ATP11B: variants seen among roughly 807,000 people sequenced by gnomAD.
ATP11B encodes the protein ATPase phospholipid transporting 11B (putative).
In ATP11B, 81 loss-of-function variants were observed where a neutral mutation model predicts 157.8. The ratio of observed to expected loss-of-function variants is 0.51; its 90% CI spans 0.43 to 0.62. The LOEUF (loss-of-function observed/expected upper bound fraction) is 0.62, where lower values mean the gene tolerates loss of function less well. Among genes scored for constraint, ATP11B ranks in the 20% least tolerant of loss-of-function variants. The pLI is 0.00. For synonymous variants in ATP11B, 451 were observed against 469.4 expected (o/e 0.96, Z 0.51); for missense variants, 1,165 against 1,402.2 (o/e 0.83, Z 2.70).
In ATP11B at chr3:182,918,502, C is replaced by T. The variant is rs1361661740; in HGVS notation, c.*398C>T. 7.6e-6 allele frequency: 3 copies of T among 396,558 alleles called. No homozygotes were observed. Among genetic ancestry groups the T allele is most frequent in the African/African-American group, 4.1e-5 (2 of 48,486 alleles). 24.6% of individuals were successfully genotyped at this position (396,558 alleles called of 1,614,324 possible). The stretch of plus-strand genomic sequence containing the variant: ...TTATTGACTCTTCTATTTAAATCTG[C>T]TTCTGTAAATTATGCTGAAAGTTTG... On this transcript the variant is annotated 3_prime_UTR_variant, in exon 30 of 30. Coordinates refer to ENST00000323116, the MANE Select transcript of ATP11B (RefSeq NM_014616.3).
At chr3:182,860,443 T>C (rs1024763290) in intron 12 of ATP11B, among the ~76,000 whole-genome samples, 1 of 152,240 alleles carries the variant, frequency 6.6e-6, no homozygotes, top group African/African-American at 2.4e-5. Context: ...GCAATAGTTC[T>C]GAAATTCATG....
At position 182,848,644 on chromosome 3, in the gene ATP11B, A is replaced by T. The variant is rs564569002; in HGVS notation, c.851+87A>T. 15 of 517,280 alleles carry T rather than the reference A, an allele frequency of 2.9e-5. No individual in the cohort carries two copies. In the South Asian group the frequency reaches 1.0e-3, roughly 35 times the overall value. 32.0% of individuals were successfully genotyped at this position (517,280 alleles called of 1,614,324 possible). On this transcript the variant is annotated intron_variant, in intron 10 of 29. Transcript: ENST00000323116. Reference sequence around the variant, plus strand: ...GTATAAAATATTATATATATAATATATATTAAGTAAACAGAATGAAAACCT... The same window carrying T: ...GTATAAAATATTATATATATAATATTTATTAAGTAAACAGAATGAAAACCT...
rs1228863474 is a variant in ATP11B at position 182,793,530 on chromosome 3, G to A, written c.-230G>A. The A allele has an allele frequency of 5.7e-6, 2 of 353,562 alleles. No homozygotes were observed. Among genetic ancestry groups the A allele is most frequent in the African/African-American group, 2.2e-5 (1 of 46,452 alleles). 21.9% of individuals were successfully genotyped at this position (353,562 alleles called of 1,614,324 possible). A position where few individuals can be genotyped will look rare whatever the true frequency, so the allele number is the denominator to read the frequency against. On this transcript the variant is annotated 5_prime_UTR_variant, in exon 1 of 30. Transcript: ENST00000323116. ...ATAATGAAGGTGGCTGCGGCGCGGC[G>A]GCAGGCTCAGCTGCGCCGGGCGGGG...
intron 10 of ATP11B, among the ~76,000 whole-genome samples, chr3:182,849,819 G>A (rs1306171756): frequency 6.6e-6 from 1 of 151,934 alleles, no homozygotes; most frequent in Non-Finnish European, 1.5e-5. Flanking sequence ...AAAAAGGACA[G>A]AATAAAAATA....
chr3:182,799,888 G>T (rs1715877407), intron 1 of ATP11B, among the ~76,000 whole-genome samples: 1 of 152,106 alleles, frequency 6.6e-6, no homozygotes. Context: ...CACACAGGAG[G>T]ATTGCTTTGG....
At chr3:182,844,675 TAATTGTGCAG>T in intron 8 of ATP11B, 1 of 364,826 alleles carries the variant, frequency 2.7e-6, no homozygotes, top group Non-Finnish European at 3.8e-6. Context: ...TAATTCAGTA[TAATTGTGCAG>T]AATTCATCCA....
intron 25 of ATP11B, among the ~76,000 whole-genome samples, chr3:182,891,199 C>T (rs537807193): frequency 4.6e-5 from 7 of 152,112 alleles, no homozygotes; most frequent in South Asian, 2.1e-4. Flanking sequence ...GGGTGAAAAC[C>T]GGACAGAATT....
At chr3:182,859,770 T>TA (rs1720692942) in intron 12 of ATP11B, among the ~76,000 whole-genome samples, 1 of 152,216 alleles carries the variant, frequency 6.6e-6, no homozygotes, top group Non-Finnish European at 1.5e-5. Flanking sequence ...TGTCCTGTAA[T>TA]ACCATAATTA....
chr3:182,822,159 T>G (rs146451880), intron 2 of ATP11B, among the ~76,000 whole-genome samples: 1,614 of 152,160 alleles, frequency 0.011, 31 homozygotes, highest in African/African-American at 0.037. Flanking sequence ...AGGGTACATG[T>G]GCACAGCGTG....
intron 28 of ATP11B, chr3:182,905,971 TGG>T (rs1724319630): frequency 2.3e-6 from 1 of 426,802 alleles, no homozygotes; most frequent in Admixed American, 2.4e-5. Flanking sequence ...TTCTCATGCT[TGG>T]GGGGCATGTC....
At chr3:182,830,682 C>T (rs972751938) in intron 4 of ATP11B, among the ~76,000 whole-genome samples, 1 of 152,086 alleles carries the variant, frequency 6.6e-6, no homozygotes, top group Non-Finnish European at 1.5e-5. Context: ...ATAAAATTGA[C>T]AAACATTTTA....
At chr3:182,848,127 T>C (rs147776966) in intron 9 of ATP11B, among the ~76,000 whole-genome samples, 1 of 152,370 alleles carries the variant, frequency 6.6e-6, no homozygotes, top group African/African-American at 2.4e-5. Flanking sequence ...TTTCCATATC[T>C]GTCTTTGTTA....
At chr3:182,875,366 CT>C (rs1344525490) in intron 19 of ATP11B, among the ~76,000 whole-genome samples, 4 of 152,202 alleles carry the variant, frequency 2.6e-5, no homozygotes, top group African/African-American at 9.6e-5. Context: ...TGGATTTCAT[CT>C]TTTTAAAACC....
chr3:182,834,565 C>T (rs555444349), intron 4 of ATP11B, among the ~76,000 whole-genome samples: 1 of 152,262 alleles, frequency 6.6e-6, no homozygotes, highest in African/African-American at 2.4e-5. Context: ...CCTTTTTATT[C>T]ACTTACTCTT....
chr3:182,798,614 C>T (rs962623131), intron 1 of ATP11B, among the ~76,000 whole-genome samples: 8 of 152,314 alleles, frequency 5.3e-5, no homozygotes, highest in African/African-American at 1.9e-4. Flanking sequence ...AAGTAGGGAC[C>T]TTGCTCCAGA....
intron 25 of ATP11B, among the ~76,000 whole-genome samples, chr3:182,895,779 A>G: frequency 6.6e-6 from 1 of 152,146 alleles, no homozygotes; most frequent in South Asian, 2.1e-4. Flanking sequence ...TCTGGGCAGT[A>G]TGGCTCGCTG....
chr3:182,841,534 T>A (rs1398932268), intron 7 of ATP11B, among the ~76,000 whole-genome samples: 1 of 152,206 alleles, frequency 6.6e-6, no homozygotes, highest in Non-Finnish European at 1.5e-5. Context: ...TTTGAAAACA[T>A]TTATTCATTA....
chr3:182,840,024 G>T (rs1405206439), intron 7 of ATP11B, among the ~76,000 whole-genome samples: 5 of 152,114 alleles, frequency 3.3e-5, no homozygotes, highest in African/African-American at 1.2e-4. Flanking sequence ...CTGAATTAAT[G>T]ATCATTTTAA....
chr3:182,906,199 T>C (rs1724337940), intron 28 of ATP11B, among the ~76,000 whole-genome samples: 1 of 152,210 alleles, frequency 6.6e-6, no homozygotes, highest in African/African-American at 2.4e-5. Context: ...CCTATTGTCT[T>C]ACATTCAAGA....
Sources: allele counts gnomAD v4.1 joint callset (sites outside exome capture counted in the v4.1 genomes callset), GRCh38; gene constraint gnomAD v4.1.1; transcripts MANE v1.5; gene names NCBI Gene and HGNC (gene_info 2026-07-23, HGNC 2026-07-21).